Variants in ASRGL1 observed in about 807,000 individuals in gnomAD.
The protein encoded by ASRGL1 is asparaginase and isoaspartyl peptidase 1.
In ASRGL1, 16 loss-of-function variants were observed where a neutral mutation model predicts 22.4. The observed-to-expected ratio is 0.71, with a 90% confidence interval of 0.48 to 1.08. ASRGL1 has a LOEUF of 1.08. ASRGL1 is among the 50% of genes least tolerant of loss of function. ASRGL1 has a pLI of 0.00. For missense variants in ASRGL1, 412 were observed against 410.1 expected (o/e 1.00, Z -0.04); for synonymous variants, 165 against 159.3 (o/e 1.04, Z -0.27).
chr11:62,357,908 T>TA (rs1021452489), intron 4 of ASRGL1, among the ~76,000 whole-genome samples: 1 of 152,196 alleles, frequency 6.6e-6, no homozygotes, highest in African/African-American at 2.4e-5. Flanking sequence ...TAATCAGAGG[T>TA]ATACCTTGTA....
chr11:62,345,589 G>A (rs534973763), intron 2 of ASRGL1, among the ~76,000 whole-genome samples: 2 of 152,086 alleles, frequency 1.3e-5, no homozygotes, highest in African/African-American at 4.8e-5. Flanking sequence ...TGTTGAAAAG[G>A]CATATTGCAA....
chr11:62,386,780 G>A (rs1327699497), intron 4 of ASRGL1, among the ~76,000 whole-genome samples: 2 of 152,180 alleles, frequency 1.3e-5, no homozygotes, highest in Non-Finnish European at 2.9e-5. Context: ...TGGTACAATT[G>A]ACACTAACAG....
downstream of ASRGL1, among the ~76,000 whole-genome samples, chr11:62,394,932 C>G (rs1409155389): frequency 2.0e-5 from 3 of 152,134 alleles, no homozygotes; most frequent in Admixed American, 6.5e-5. Context: ...CACTGTCAAA[C>G]AGAGAAATGA....
intron 4 of ASRGL1, chr11:62,372,896 G>T (rs577437600): frequency 5.3e-4 from 835 of 1,590,318 alleles, no homozygotes; most frequent in Middle Eastern, 1.9e-3. Flanking sequence ...TCTGCAGCTG[G>T]AGAATCTGGA....
At chr11:62,372,410 T>C (rs1946798358) in intron 4 of ASRGL1, 4 of 1,560,178 alleles carry the variant, frequency 2.6e-6, no homozygotes, top group Non-Finnish European at 3.5e-6. Flanking sequence ...CAAATCAGTA[T>C]GATAATGGAC....
rs559244029 is a variant in ASRGL1 at position 62,390,175 on chromosome 11, G to A, written c.610+924G>A. On this transcript the variant is annotated intron_variant, in intron 5 of 6. Coordinates refer to ENST00000415229, the MANE Select transcript of ASRGL1 (RefSeq NM_001083926.2). ...CAGTAGTGCAGCTTGCTTCAGCTGC[G>A]TTCAGACCAGGCCACAGGGCCACTC... is the stretch of plus-strand genomic sequence containing the variant. Among the ~76,000 whole-genome samples the A allele has an allele frequency of 2.6e-3, 403 of 152,292 alleles. 2 individuals carry two copies. Among genetic ancestry groups the A allele is most frequent in the African/African-American group, 9.2e-3 (383 of 41,562 alleles).
At position 62,392,485 on chromosome 11, in the gene ASRGL1, C is replaced by G. The variant is rs1044741743; in HGVS notation, c.*201C>G. ...AGAAATGCCCGTATTAGGAGGATTA[C>G]TTGAGCCCAGGAGGTCAAAGCTGAG... On this transcript the variant is annotated 3_prime_UTR_variant, in exon 7 of 7. Transcript: ENST00000415229. The G allele has an allele frequency of 4.6e-6, 3 of 646,662 alleles. No individual in the cohort carries two copies. Among genetic ancestry groups the G allele is most frequent in the Non-Finnish European group, 7.9e-6 (3 of 380,120 alleles). The allele number at this position is 646,662 out of a possible 1,614,324, so 40.1% of individuals were successfully genotyped here. A position where few individuals can be genotyped will look rare whatever the true frequency, so the allele number is the denominator to read the frequency against.
chr11:62,377,618 C>A (rs537189198), intron 4 of ASRGL1, among the ~76,000 whole-genome samples: 3 of 152,012 alleles, frequency 2.0e-5, no homozygotes, highest in African/African-American at 7.3e-5. Context: ...AAGAACTGGA[C>A]GATTTTTGTT....
intron 4 of ASRGL1, among the ~76,000 whole-genome samples, chr11:62,373,602 G>A (rs1565168618): frequency 6.6e-6 from 1 of 152,224 alleles, no homozygotes; most frequent in Non-Finnish European, 1.5e-5. Flanking sequence ...TACAGGAACC[G>A]GCAGCAGCTA....
rs1167818710 is a variant in ASRGL1, at chr11:62,340,487, T to A, written c.190+2320T>A. Among the ~76,000 whole-genome samples, 4 of 152,178 alleles carry A rather than the reference T, an allele frequency of 2.6e-5. No individual in the cohort carries two copies. The East Asian group carries it at 7.7e-4, about 29-fold the overall frequency. ...TCACTTATTTACACAGGACCTTCAT[T>A]TGAAATGGGTCATTCTGGTTTCCGA... On this transcript the variant is annotated intron_variant, in intron 2 of 6. Coordinates refer to ENST00000415229, the MANE Select transcript of ASRGL1 (RefSeq NM_001083926.2).
chr11:62,393,728 G>A (rs751650744), downstream of ASRGL1, among the ~76,000 whole-genome samples: 4 of 152,112 alleles, frequency 2.6e-5, no homozygotes, highest in Non-Finnish European at 5.9e-5. Context: ...ATTAGGAGGT[G>A]TATTAGTTGA....
intron 2 of ASRGL1, among the ~76,000 whole-genome samples, chr11:62,346,531 C>G (rs1946027627): frequency 6.6e-6 from 1 of 152,192 alleles, no homozygotes; most frequent in Non-Finnish European, 1.5e-5. Context: ...GCCCCTGATT[C>G]TGTGACGATG....
chr11:62,343,605 G>A (rs1945926020), intron 2 of ASRGL1, among the ~76,000 whole-genome samples: 1 of 151,468 alleles, frequency 6.6e-6, no homozygotes, highest in Non-Finnish European at 1.5e-5. Context: ...GCACACGCCT[G>A]TAGTCCCAGC....
intron 4 of ASRGL1, among the ~76,000 whole-genome samples, chr11:62,387,059 A>ATTTTT (rs55647741): frequency 2.8e-5 from 4 of 143,652 alleles, no homozygotes; most frequent in Non-Finnish European, 3.0e-5. Context: ...CACTTAGCTA[A>ATTTTT]TTTTTTTTTT....
At chr11:62,368,818 A>G (rs892661421) in intron 4 of ASRGL1, among the ~76,000 whole-genome samples, 4 of 152,146 alleles carry the variant, frequency 2.6e-5, no homozygotes, top group South Asian at 2.1e-4. Context: ...CACGTATACA[A>G]ACATCTTGGT....
intron 4 of ASRGL1, among the ~76,000 whole-genome samples, chr11:62,386,122 A>G (rs1947195169): frequency 1.3e-5 from 2 of 152,222 alleles, no homozygotes; most frequent in Non-Finnish European, 1.5e-5. Context: ...ATATCACGCC[A>G]CTGCCCTCCA....
At chr11:62,362,638 T>TAATATATAATATATATTATATAA (rs1215577153) in intron 4 of ASRGL1, among the ~76,000 whole-genome samples, 35 of 22,706 alleles carry the variant, frequency 1.5e-3, no homozygotes, top group African/African-American at 4.6e-3. Context: ...AAAATATATA[T>TAATATATAATATATATTATATAA]AATATATAAT....
chr11:62,398,800 A>G, the ASRGL1 span, among the ~76,000 whole-genome samples: 1 of 152,208 alleles, frequency 6.6e-6, no homozygotes, highest in Non-Finnish European at 1.5e-5. Context: ...GCTTTGGCAC[A>G]AATATCACAC....
At chr11:62,376,689 T>G (rs1946941088) in intron 4 of ASRGL1, among the ~76,000 whole-genome samples, 1 of 152,116 alleles carries the variant, frequency 6.6e-6, no homozygotes, top group Admixed American at 6.5e-5. Flanking sequence ...TTTTGAGTGG[T>G]CTATTAGTTC....
Sources: gnomAD v4.1 joint callset for allele counts (sites outside exome capture counted in the v4.1 genomes callset) on GRCh38, gnomAD v4.1.1 for gene constraint, MANE v1.5 for transcripts, NCBI Gene and HGNC (gene_info 2026-07-23, HGNC 2026-07-21) for gene names.